Variants in ADGRV1 observed in about 807,000 individuals in gnomAD.
ADGRV1 encodes G-protein coupled receptor 98.
A neutral mutation model predicts 596.2 loss-of-function variants in ADGRV1; 359 were observed. That is an observed-to-expected ratio of 0.60 (90% confidence interval 0.55 to 0.66). The LOEUF is 0.66. Ranked by LOEUF, ADGRV1 falls within the 30% of genes least tolerant of loss-of-function variation. The probability of loss-of-function intolerance (pLI) is 0.00; values close to 1 mark genes in which losing one functional copy is unlikely to be tolerated. For missense variants in ADGRV1, 7,274 were observed against 7,575.6 expected (o/e 0.96, Z 1.48); for synonymous variants, 2,681 against 2,679.2 (o/e 1.00, Z -0.02).
chr5:91,042,946 C>A (rs1335930703), intron 85 of ADGRV1, among the ~76,000 whole-genome samples: 1 of 151,162 alleles, frequency 6.6e-6, no homozygotes, highest in Non-Finnish European at 1.5e-5. Context: ...TTTTTTCCTT[C>A]ACAAGAGAAC....
In ADGRV1 at chr5:90,815,511, C is replaced by T. The variant is rs574864726; in HGVS notation, c.16079-108C>T. ...TAACAACTGTAGCTCTCCTCACCAC[C>T]TGTGAATTTCTCACTTTTAAACCAT... On this transcript the variant is annotated intron_variant, in intron 74 of 89. Transcript: ENST00000405460. 1.3e-4 allele frequency: 76 copies of T among 598,006 alleles called. No homozygotes were observed. In the South Asian group the frequency reaches 1.3e-3, roughly 10 times the overall value. 37.0% of individuals were successfully genotyped at this position (598,006 alleles called of 1,614,324 possible).
intron 83 of ADGRV1, among the ~76,000 whole-genome samples, chr5:90,864,926 G>A (rs1478971242): frequency 1.3e-5 from 2 of 152,092 alleles, no homozygotes; most frequent in African/African-American, 4.8e-5. Context: ...GATTTGCACA[G>A]TTTTTTAGAA....
chr5:91,135,136 G>T (rs1026243335), intron 87 of ADGRV1, among the ~76,000 whole-genome samples: 1 of 147,912 alleles, frequency 6.8e-6, no homozygotes, highest in Non-Finnish European at 1.5e-5. Flanking sequence ...CCAAGATCGT[G>T]CCACTGCACT....
chr5:90,886,940 C>T (rs1443476887), intron 83 of ADGRV1, among the ~76,000 whole-genome samples: 1 of 152,154 alleles, frequency 6.6e-6, no homozygotes, highest in Non-Finnish European at 1.5e-5. Context: ...GCCAAATGTA[C>T]CACGTCTTAT....
intron 86 of ADGRV1, among the ~76,000 whole-genome samples, chr5:91,088,182 G>GT (rs1790051664): frequency 2.0e-5 from 3 of 152,110 alleles, no homozygotes; most frequent in African/African-American, 7.2e-5. Context: ...TATAGAGACT[G>GT]TAAAACAGAA....
At chr5:91,063,587 TC>T (rs1787636683) in intron 85 of ADGRV1, among the ~76,000 whole-genome samples, 1 of 152,220 alleles carries the variant, frequency 6.6e-6, no homozygotes. Context: ...ATCAGATTTT[TC>T]CAAAATAGAA....
chr5:90,645,152 C>A (rs568407158), intron 15 of ADGRV1, among the ~76,000 whole-genome samples: 22 of 152,268 alleles, frequency 1.4e-4, no homozygotes, highest in Admixed American at 5.9e-4. Flanking sequence ...GTATTTAGTC[C>A]CTTTGAAGGC....
chr5:91,025,570 A>G (rs765229132), intron 85 of ADGRV1, among the ~76,000 whole-genome samples: 1 of 152,096 alleles, frequency 6.6e-6, no homozygotes, highest in African/African-American at 2.4e-5. Flanking sequence ...AGATAAAACA[A>G]TTTGTTTCAG....
intron 85 of ADGRV1, among the ~76,000 whole-genome samples, chr5:91,041,208 T>G (rs969055620): frequency 8.5e-5 from 13 of 152,176 alleles, no homozygotes; most frequent in African/African-American, 2.9e-4. Flanking sequence ...TGCAGCACTA[T>G]TCACAATAGC....
chr5:90,592,174 T>C (rs1177152449), intron 1 of ADGRV1, among the ~76,000 whole-genome samples: 2 of 152,236 alleles, frequency 1.3e-5, no homozygotes, highest in African/African-American at 4.8e-5. Flanking sequence ...TGCGTGTTTA[T>C]AGCAGCACAA....
chr5:90,589,794 C>T (rs1759238580), intron 1 of ADGRV1, among the ~76,000 whole-genome samples: 1 of 151,900 alleles, frequency 6.6e-6, no homozygotes, highest in African/African-American at 2.4e-5. Context: ...TTTTGCTTTT[C>T]AAAAACAGCA....
intron 83 of ADGRV1, among the ~76,000 whole-genome samples, chr5:90,879,074 G>A (rs997139285): frequency 6.6e-6 from 1 of 152,160 alleles, no homozygotes; most frequent in African/African-American, 2.4e-5. Flanking sequence ...TTGAAGCAAG[G>A]CTTTTGTTCC....
intron 76 of ADGRV1, chr5:90,825,791 GTA>G (rs1764024396): frequency 6.6e-6 from 1 of 152,166 alleles, no homozygotes; most frequent in Admixed American, 6.5e-5. Flanking sequence ...GATGCTAACT[GTA>G]TATATTTGTT....
intron 85 of ADGRV1, among the ~76,000 whole-genome samples, chr5:91,037,880 T>C (rs2151261787): frequency 6.6e-6 from 1 of 152,340 alleles, no homozygotes; most frequent in South Asian, 2.1e-4. Flanking sequence ...AATTCCACAC[T>C]TGACCTCATG....
chr5:90,756,903 A>G, intron 56 of ADGRV1, 76 bp from the exon 57 acceptor site: 2 of 1,211,684 alleles, frequency 1.7e-6, no homozygotes, highest in African/African-American at 3.0e-5. Flanking sequence ...AGTTAAGTAG[A>G]AACAATAACT....
At chr5:90,996,163 A>G (rs1177654410) in intron 85 of ADGRV1, among the ~76,000 whole-genome samples, 1 of 142,812 alleles carries the variant, frequency 7.0e-6, no homozygotes, top group African/African-American at 2.6e-5. Flanking sequence ...AGCTAAGACA[A>G]TGGGGAAAAT....
chr5:90,874,351 C>T (rs1435464224), intron 83 of ADGRV1, among the ~76,000 whole-genome samples: 4 of 152,192 alleles, frequency 2.6e-5, no homozygotes, highest in East Asian at 1.9e-4. Flanking sequence ...GAGTGGCCTC[C>T]GCAAGAAGAC....
At position 90,651,681 on chromosome 5, in the gene ADGRV1, C is replaced by T; in HGVS notation, c.3367C>T (p.Leu1123=). ...TGATGACCCAAATGGCATTTTTTCT[C>T]TGGAGCCCATAGACAAAGCAGTGGA... ...ANDDPNGIFS[L]EPIDKAVEEG... Residue 1123 remains leucine (L), a synonymous_variant, in exon 18 of 90, where the codon CTG becomes TTG. Coordinates refer to ENST00000405460, the MANE Select transcript of ADGRV1 (RefSeq NM_032119.4). The T allele has an allele frequency of 6.2e-7, 1 of 1,612,600 alleles. No individual in the cohort carries two copies. Among genetic ancestry groups the T allele is most frequent in the Admixed American group, 1.7e-5 (1 of 59,954 alleles).
At chr5:91,088,150 A>G (rs2126556966) in intron 86 of ADGRV1, among the ~76,000 whole-genome samples, 1 of 152,342 alleles carries the variant, frequency 6.6e-6, no homozygotes, top group Admixed American at 6.5e-5. Flanking sequence ...GCATAGTTAC[A>G]TAAAGCTCTG....
Sources: allele counts gnomAD v4.1 joint callset (sites outside exome capture counted in the v4.1 genomes callset), GRCh38; gene constraint gnomAD v4.1.1; transcripts MANE v1.5; gene names NCBI Gene and HGNC (gene_info 2026-07-23, HGNC 2026-07-21).